Variants in SMAP1 observed in about 807,000 individuals in gnomAD.
SMAP1 encodes the protein small ArfGAP 1, also known as stromal membrane-associated protein 1.
SMAP1 carries 24 observed loss-of-function variants against 58.5 expected under a neutral mutation model. That is an observed-to-expected ratio of 0.41 (90% confidence interval 0.30 to 0.58). The LOEUF is 0.58. Among genes scored for constraint, SMAP1 ranks in the 20% least tolerant of loss-of-function variants. SMAP1 has a pLI of 0.29. For missense variants in SMAP1, 563 were observed against 566.3 expected, an observed-to-expected ratio of 0.99 and a Z score of 0.06; for synonymous variants, 216 against 196.6, an observed-to-expected ratio of 1.10 and a Z score of -0.82.
chr6:70,711,868 T>A (rs1768071846), intron 1 of SMAP1, among the ~76,000 whole-genome samples: 1 of 152,198 alleles, frequency 6.6e-6, no homozygotes, highest in South Asian at 2.1e-4. Context: ...AAGGATTACG[T>A]CATCTGCAAA....
chr6:70,690,685 C>CTT lies in SMAP1; in HGVS notation c.118+22547_118+22548dup, dbSNP rs1020931155. ...GAAACTACACTTGGTCTTGATGTAT[C>CTT]TTTTATATATATATATATATATATT... On this transcript the variant is annotated intron_variant, in intron 1 of 10. Coordinates refer to ENST00000370455, the MANE Select transcript of SMAP1 (RefSeq NM_001044305.3). Among the ~76,000 whole-genome samples the CTT allele has an allele frequency of 1.1e-4, 14 of 124,596 alleles. No individual in the cohort carries two copies. In the East Asian group the frequency reaches 1.9e-3, roughly 17 times the overall value. The allele number at this position is 124,596 out of a possible 152,430, so 81.7% of individuals were successfully genotyped here. A position where few individuals can be genotyped will look rare whatever the true frequency, so the allele number is the denominator to read the frequency against.
intron 3 of SMAP1, among the ~76,000 whole-genome samples, chr6:70,755,454 G>A (rs1453556672): frequency 1.3e-5 from 2 of 152,010 alleles, no homozygotes; most frequent in Non-Finnish European, 2.9e-5. Flanking sequence ...TAAATTACAT[G>A]AGATATTCAA....
intron 2 of SMAP1, among the ~76,000 whole-genome samples, chr6:70,735,830 A>C (rs1477770583): frequency 6.6e-6 from 1 of 152,216 alleles, no homozygotes; most frequent in Non-Finnish European, 1.5e-5. Context: ...TACTGTACAT[A>C]GTTACATAGT....
Position 70,667,989 on chromosome 6 carries a change from C to G in SMAP1, c.-35C>G. 1 of 1,542,200 alleles carries G rather than the reference C, an allele frequency of 6.5e-7. No individual in the cohort carries two copies. Among genetic ancestry groups the G allele is most frequent in the Non-Finnish European group, 8.8e-7 (1 of 1,142,116 alleles). ...GGCTCCAGCCAGCGTCCGCCGCCGCCGTAGCTGCCCCAGGCTCCCCGCCCC... is the reference window on the plus strand; with the variant it reads ...GGCTCCAGCCAGCGTCCGCCGCCGCGGTAGCTGCCCCAGGCTCCCCGCCCC... On this transcript the variant is annotated 5_prime_UTR_variant, in exon 1 of 11. Coordinates refer to ENST00000370455, the MANE Select transcript of SMAP1 (RefSeq NM_001044305.3).
intron 1 of SMAP1, among the ~76,000 whole-genome samples, chr6:70,678,711 G>C (rs1020699154): frequency 1.3e-5 from 2 of 152,166 alleles, no homozygotes; most frequent in Non-Finnish European, 2.9e-5. Flanking sequence ...GGGAGAATCT[G>C]TTTTCTTTTC....
At chr6:70,777,869 C>CA (rs1767608594) in intron 4 of SMAP1, among the ~76,000 whole-genome samples, 1 of 151,992 alleles carries the variant, frequency 6.6e-6, no homozygotes. Context: ...TCTCCTGCCT[C>CA]AGTCTCCCGA....
intron 6 of SMAP1, among the ~76,000 whole-genome samples, chr6:70,803,004 G>A (rs142835797): frequency 0.03 from 4,513 of 152,288 alleles, 143 homozygotes; most frequent in South Asian, 0.11. Flanking sequence ...TTAGTATCAG[G>A]ATGATTCTGG....
chr6:70,841,180 T>TG (rs917905056), intron 7 of SMAP1, among the ~76,000 whole-genome samples: 1 of 152,220 alleles, frequency 6.6e-6, no homozygotes, highest in African/African-American at 2.4e-5. Context: ...GCACATGCTT[T>TG]GGGCATAAGG....
chr6:70,857,889 T>C (rs1426425545), intron 9 of SMAP1, 33 bp from the exon 10 acceptor site: 1 of 1,600,826 alleles, frequency 6.2e-7, no homozygotes, highest in Admixed American at 1.7e-5. Flanking sequence ...ACGTGATAGC[T>C]CTGTCTTCAT....
chr6:70,821,375 C>T (rs961955715), intron 6 of SMAP1, among the ~76,000 whole-genome samples: 2 of 151,932 alleles, frequency 1.3e-5, no homozygotes, highest in Admixed American at 6.6e-5. Flanking sequence ...ACATTTGAGT[C>T]GTTTCTGGCT....
Position 70,860,342 on chromosome 6 carries a change from A to T in SMAP1, c.*8A>T. Reference sequence around the variant, plus strand: ...ACACAACTGTGGAAATGAAAACTGCAATACAAGTTTCATCCAGAACTACCA... The same window carrying T: ...ACACAACTGTGGAAATGAAAACTGCTATACAAGTTTCATCCAGAACTACCA... On this transcript the variant is annotated 3_prime_UTR_variant, in exon 11 of 11. Transcript: ENST00000370455. 1 of 1,602,352 alleles carries T rather than the reference A, an allele frequency of 6.2e-7. No homozygotes were observed. Among genetic ancestry groups the T allele is most frequent in the Non-Finnish European group, 8.5e-7 (1 of 1,175,234 alleles).
rs540288020 is a variant in SMAP1 at position 70,696,274 on chromosome 6, C to T, written c.118+28133C>T. Among the ~76,000 whole-genome samples the T allele has an allele frequency of 1.6e-4, 24 of 151,662 alleles. No individual in the cohort carries two copies. The South Asian group carries it at 3.7e-3, about 24-fold the overall frequency. ...ATTTCTACTCTGATATTTATTATTTCTTTTCTTCTAATTTTGGGCTTGGTT... is the reference window on the plus strand; with the variant it reads ...ATTTCTACTCTGATATTTATTATTTTTTTTCTTCTAATTTTGGGCTTGGTT... On this transcript the variant is annotated intron_variant, in intron 1 of 10. Coordinates refer to ENST00000370455, the MANE Select transcript of SMAP1 (RefSeq NM_001044305.3).
At chr6:70,744,639 G>A (rs1306778441) in intron 2 of SMAP1, among the ~76,000 whole-genome samples, 2 of 152,178 alleles carry the variant, frequency 1.3e-5, no homozygotes, top group Admixed American at 6.5e-5. Flanking sequence ...ACATATGTGT[G>A]CATGTGTCTT....
chr6:70,787,761 C>T (rs1768127824), intron 4 of SMAP1, among the ~76,000 whole-genome samples: 1 of 151,674 alleles, frequency 6.6e-6, no homozygotes, highest in South Asian at 2.1e-4. Flanking sequence ...TACCGTCTCA[C>T]ACCAGTTAGA....
At chr6:70,701,062 G>C (rs898200141) in intron 1 of SMAP1, among the ~76,000 whole-genome samples, 35 of 152,132 alleles carry the variant, frequency 2.3e-4, no homozygotes, top group African/African-American at 7.5e-4. Flanking sequence ...CGGAAGGAAG[G>C]AGTCTCTCCT....
chr6:70,803,643 T>C (rs2149959564), intron 6 of SMAP1, among the ~76,000 whole-genome samples: 1 of 152,340 alleles, frequency 6.6e-6, no homozygotes, highest in South Asian at 2.1e-4. Context: ...GTGCTATAAA[T>C]TTCCCTCTAC....
chr6:70,671,664 G>A (rs1019808912), intron 1 of SMAP1, among the ~76,000 whole-genome samples: 10 of 152,270 alleles, frequency 6.6e-5, no homozygotes, highest in African/African-American at 2.4e-4. Flanking sequence ...CCAGCCCTTG[G>A]CAGACACTAT....
chr6:70,826,499 C>T (rs749565588), intron 6 of SMAP1, among the ~76,000 whole-genome samples: 21 of 152,052 alleles, frequency 1.4e-4, no homozygotes, highest in Non-Finnish European at 4.4e-5. Flanking sequence ...CATGGTGTCT[C>T]ACACCTGTAA....
intron 2 of SMAP1, among the ~76,000 whole-genome samples, chr6:70,740,955 T>C (rs947443651): frequency 6.6e-6 from 1 of 152,182 alleles, no homozygotes. Context: ...TTGACTCTCA[T>C]GAGACTTACT....
Sources: gnomAD v4.1 joint callset for allele counts (sites outside exome capture counted in the v4.1 genomes callset) on GRCh38, gnomAD v4.1.1 for gene constraint, MANE v1.5 for transcripts, NCBI Gene and HGNC (gene_info 2026-07-23, HGNC 2026-07-21) for gene names.